DIRAS2: variants seen among roughly 807,000 people sequenced by gnomAD.
DIRAS2 encodes DIRAS family GTPase 2, also known as GTP-binding protein Di-Ras2.
A neutral mutation model predicts 13.9 loss-of-function variants in DIRAS2; 5 were observed. That is an observed-to-expected ratio of 0.36 (90% confidence interval 0.19 to 0.76). The LOEUF is 0.76. Ranked by LOEUF, DIRAS2 falls within the 30% of genes least tolerant of loss-of-function variation. The pLI is 0.53. For synonymous variants in DIRAS2, 111 were observed against 105.4 expected (o/e 1.05, Z -0.33); for missense variants, 191 against 263.0 (o/e 0.73, Z 1.89).
intron 1 of DIRAS2, among the ~76,000 whole-genome samples, chr9:90,627,573 G>A (rs909486566): frequency 6.6e-5 from 10 of 152,156 alleles, no homozygotes; most frequent in African/African-American, 2.4e-4. Flanking sequence ...TGGGTTTTGC[G>A]AGATGAAAAG....
intron 1 of DIRAS2, among the ~76,000 whole-genome samples, chr9:90,615,908 T>C (rs781186612): frequency 6.6e-6 from 1 of 152,218 alleles, no homozygotes; most frequent in Non-Finnish European, 1.5e-5. Flanking sequence ...ATTTAAACCA[T>C]AGAAAATGGA....
intron 1 of DIRAS2, among the ~76,000 whole-genome samples, chr9:90,632,110 G>C (rs1177631542): frequency 6.6e-6 from 1 of 152,162 alleles, no homozygotes; most frequent in Non-Finnish European, 1.5e-5. Flanking sequence ...GCAGCAGCCT[G>C]CTGGGTGATC....
chr9:90,629,237 A>C (rs1825301877), intron 1 of DIRAS2, among the ~76,000 whole-genome samples: 1 of 152,244 alleles, frequency 6.6e-6, no homozygotes, highest in South Asian at 2.1e-4. Context: ...TATGTGGTTC[A>C]CACGGTCGGT....
At chr9:90,632,994 C>G (rs1238896988) in intron 1 of DIRAS2, among the ~76,000 whole-genome samples, 1 of 152,128 alleles carries the variant, frequency 6.6e-6, no homozygotes, top group African/African-American at 2.4e-5. Flanking sequence ...GAAGCCAGAC[C>G]AAGACCACGT....
chr9:90,639,156 A>G (rs1180514212), intron 1 of DIRAS2, among the ~76,000 whole-genome samples: 2 of 152,158 alleles, frequency 1.3e-5, no homozygotes, highest in African/African-American at 4.8e-5. Flanking sequence ...AATTTCTGAG[A>G]CAGAGAACCA....
At position 90,611,716 on chromosome 9, in the gene DIRAS2, C is replaced by T. The variant is rs770829350; in HGVS notation, c.*1512G>A. On this transcript the variant is annotated 3_prime_UTR_variant, in exon 2 of 2. Transcript: ENST00000375765. The stretch of plus-strand genomic sequence containing the variant: ...GCCCCCACCCCCCCAGGCAGGCCCA[C>T]GTGGGACTGCAGCTCCTTCTGCCTG... 3.7e-4 allele frequency: 56 copies of T among 152,364 alleles called. No individual in the cohort carries two copies. The highest frequency in any genetic ancestry group is 5.4e-4 in the Non-Finnish European group (37 of 68,158). 9.4% of individuals were successfully genotyped at this position (152,364 alleles called of 1,614,324 possible).
chr9:90,634,200 G>A (rs963975059), intron 1 of DIRAS2, among the ~76,000 whole-genome samples: 1 of 152,178 alleles, frequency 6.6e-6, no homozygotes, highest in Non-Finnish European at 1.5e-5. Flanking sequence ...TGGAAAAAGA[G>A]TGAAGTGACC....
At chr9:90,614,604 G>A (rs1025194536) in intron 1 of DIRAS2, among the ~76,000 whole-genome samples, 3 of 152,144 alleles carry the variant, frequency 2.0e-5, no homozygotes, top group Admixed American at 2.0e-4. Flanking sequence ...TAAGCTGTCT[G>A]TAGACAGAGC....
intron 1 of DIRAS2, among the ~76,000 whole-genome samples, chr9:90,615,892 G>C (rs9695432): frequency 6.6e-6 from 1 of 152,154 alleles, no homozygotes; most frequent in Non-Finnish European, 1.5e-5. Context: ...CACTTTTAGG[G>C]AACACATTTA....
intron 1 of DIRAS2, among the ~76,000 whole-genome samples, chr9:90,616,875 G>T (rs75901256): frequency 0.064 from 9,690 of 152,218 alleles, 356 homozygotes; most frequent in Admixed American, 0.077. Context: ...CAGCATTAGA[G>T]GGGGGACAAG....
At chr9:90,631,211 G>A (rs62556819) in intron 1 of DIRAS2, among the ~76,000 whole-genome samples, 2 of 152,168 alleles carry the variant, frequency 1.3e-5, no homozygotes, top group African/African-American at 4.8e-5. Context: ...GGGTGGTGGG[G>A]TTCTTCTGGC....
At chr9:90,642,472 A>G (rs1280847791) in intron 1 of DIRAS2, among the ~76,000 whole-genome samples, 1 of 152,234 alleles carries the variant, frequency 6.6e-6, no homozygotes, top group Non-Finnish European at 1.5e-5. Context: ...AGAATTTTCC[A>G]AAACGGTAAA....
chr9:90,638,813 T>C (rs1054859894), intron 1 of DIRAS2, among the ~76,000 whole-genome samples: 2 of 152,160 alleles, frequency 1.3e-5, no homozygotes, highest in Non-Finnish European at 2.9e-5. Flanking sequence ...AAACCTGGAT[T>C]CTGATCACTT....
At chr9:90,616,338 G>A (rs1422362492) in intron 1 of DIRAS2, among the ~76,000 whole-genome samples, 1 of 152,144 alleles carries the variant, frequency 6.6e-6, no homozygotes, top group Non-Finnish European at 1.5e-5. Context: ...ACAGACTTAA[G>A]GAAGGATCTC....
chr9:90,630,818 A>G (rs1825317904), intron 1 of DIRAS2, among the ~76,000 whole-genome samples: 1 of 152,196 alleles, frequency 6.6e-6, no homozygotes, highest in Admixed American at 6.5e-5. Context: ...GAAAGGTGAG[A>G]GACACAGTAC....
At chr9:90,635,514 C>T (rs778469789) in intron 1 of DIRAS2, among the ~76,000 whole-genome samples, 4 of 152,318 alleles carry the variant, frequency 2.6e-5, no homozygotes, top group Non-Finnish European at 4.4e-5. Context: ...ATCAGAAATG[C>T]TCTACATGCT....
chr9:90,614,306 ATGTGTGTGTGTGTGTGTGTGTGTG>A (rs34548591), intron 1 of DIRAS2, among the ~76,000 whole-genome samples: 2 of 134,796 alleles, frequency 1.5e-5, no homozygotes, highest in Admixed American at 7.5e-5. Flanking sequence ...GGTCATCATA[ATGTGTGTGTGTGTGTGTGTGTGTG>A]TGTGTGTGTG....
At chr9:90,629,008 C>A (rs10993613) in intron 1 of DIRAS2, among the ~76,000 whole-genome samples, 28,784 of 152,092 alleles carry the variant, frequency 0.19, 3,460 homozygotes, top group Non-Finnish European at 0.28. Flanking sequence ...GCGCCCGCCA[C>A]CACGCCCGGC....
At chr9:90,640,661 T>G (rs941218402) in intron 1 of DIRAS2, among the ~76,000 whole-genome samples, 1 of 152,240 alleles carries the variant, frequency 6.6e-6, no homozygotes, top group Non-Finnish European at 1.5e-5. Context: ...AGACTGATGA[T>G]AGATAGAGGC....
Sources: gnomAD v4.1 joint callset for allele counts (sites outside exome capture counted in the v4.1 genomes callset) on GRCh38, gnomAD v4.1.1 for gene constraint, MANE v1.5 for transcripts, NCBI Gene and HGNC (gene_info 2026-07-23, HGNC 2026-07-21) for gene names.